RFX1: variants seen among roughly 807,000 people sequenced by gnomAD.
RFX1 encodes the protein MHC class II regulatory factor RFX1.
In RFX1, 42 loss-of-function variants were observed where a neutral mutation model predicts 119.6. The observed-to-expected ratio is 0.35, with a 90% CI of 0.27 to 0.45. The LOEUF is 0.45. Ranked by LOEUF, RFX1 falls within the 20% of genes least tolerant of loss-of-function variation. RFX1 has a pLI of 1.00. For missense variants in RFX1, 1,118 were observed against 1,368.1 expected (o/e 0.82, Z 2.88); for synonymous variants, 628 against 618.5 (o/e 1.02, Z -0.23).
At position 13,965,133 on chromosome 19, in the gene RFX1, A is replaced by G. The variant is rs1051741383; in HGVS notation, c.2211+316T>C. Among the ~76,000 whole-genome samples the G allele has an allele frequency of 6.6e-6, 1 of 152,214 alleles. No homozygotes were observed. The highest frequency in any genetic ancestry group is 6.5e-5 in the Admixed American group (1 of 15,272). On this transcript the variant is annotated intron_variant, in intron 16 of 20. Transcript: ENST00000254325. The surrounding 1 kb of genome is among the most constrained non-coding windows in gnomAD (Gnocchi z 4.7). ...CTTAAAAAGTTTTATCTGTTTCTGC[A>G]CACCTGAAGCACTTTCTAGCAAGGC...
rs1974757820 is a variant in RFX1 at position 13,990,310 on chromosome 19, G to A, written c.319+3215C>T. Among the ~76,000 whole-genome samples, 1 of 152,126 alleles carries A rather than the reference G, an allele frequency of 6.6e-6. No homozygotes were observed. The highest frequency in any genetic ancestry group is 1.5e-5 in the Non-Finnish European group (1 of 68,020). ...GGAGACCAGGGCAGTGTGGGCTCCT[G>A]GAGGCCTCACAAGAGGGGATCTTTG... On this transcript the variant is annotated intron_variant, in intron 2 of 20. Coordinates refer to ENST00000254325, the MANE Select transcript of RFX1 (RefSeq NM_002918.5). This position sits in a 1 kb window ranked among gnomAD's most constrained non-coding sequence, Gnocchi z 4.1.
chr19:13,981,135 G>A (rs1384179529), intron 5 of RFX1, among the ~76,000 whole-genome samples: 1 of 152,206 alleles, frequency 6.6e-6, no homozygotes, highest in Admixed American at 6.5e-5. Context: ...CAAGCCCTGG[G>A]TCACATGGCT....
Position 13,963,600 on chromosome 19 carries a change from G to A in RFX1, c.2508C>T (p.Tyr836=), listed in dbSNP as rs141861806. Residue 836 remains tyrosine (Y), a synonymous_variant, in exon 18 of 21, where the codon TAC becomes TAT. Transcript: ENST00000254325. ...CCTTGGGGAAGCCGGCGCTGCCCTGGTAGGGCTTGAGCACCTGGCTCACCA... is the reference window on the plus strand; with the variant it reads ...CCTTGGGGAAGCCGGCGCTGCCCTGATAGGGCTTGAGCACCTGGCTCACCA... ...DGVVSQVLKP[Y]QGSAGFPKAA... 2.7e-4 allele frequency: 439 copies of A among 1,604,552 alleles called. 4 individuals carry two copies. The Middle Eastern group carries it at 3.6e-3, about 13-fold the overall frequency.
chr19:13,963,968 A>T lies in RFX1; in HGVS notation c.2251T>A (p.Tyr751Asn). ...AGAFAQTLRR[Y>N]TSLNHLAQAA... ...TGCGCCAGGTGGTTGAGCGACGTGT[A>T]GCGCCGCAGTGTCTGCGCGAAGGCG... is the stretch of plus-strand genomic sequence containing the variant. Residue 751 changes from tyrosine (Y) to asparagine (N), a missense_variant, in exon 17 of 21, where the codon TAC becomes AAC. Tyr to Asn is a moderately radical substitution (Grantham distance 143). This residue lies in a region of RFX1 where 338 missense variants were observed against 508.9 expected (regional missense o/e 0.66). Coordinates refer to ENST00000254325, the MANE Select transcript of RFX1 (RefSeq NM_002918.5). 6.5e-7 allele frequency: 1 copy of T among 1,540,998 alleles called. No individual in the cohort carries two copies. The highest frequency in any genetic ancestry group is 8.7e-7 in the Non-Finnish European group (1 of 1,147,264).
At chr19:13,988,738 C>G (rs937109670) in intron 2 of RFX1, among the ~76,000 whole-genome samples, 1 of 152,154 alleles carries the variant, frequency 6.6e-6, no homozygotes, top group East Asian at 1.9e-4. Context: ...TTAAGAAGAC[C>G]AGCGGGGCGC....
intron 7 of RFX1, among the ~76,000 whole-genome samples, chr19:13,978,606 G>A (rs981061412): frequency 6.6e-6 from 1 of 152,186 alleles, no homozygotes; most frequent in African/African-American, 2.4e-5. Flanking sequence ...CGGGGCTTGG[G>A]TGGGGAGTCA....
At chr19:14,005,104 A>G (rs1358240822) in intron 1 of RFX1, among the ~76,000 whole-genome samples, 1 of 152,212 alleles carries the variant, frequency 6.6e-6, no homozygotes, top group African/African-American at 2.4e-5. Context: ...CCAGTAGGGG[A>G]GACCTCGATG....
At position 13,980,763 on chromosome 19, in the gene RFX1, C is replaced by CACACA; in HGVS notation, c.622-75_622-74insTGTGT. 1.1e-6 allele frequency: 1 copy of CACACA among 918,414 alleles called. No homozygotes were observed. Among genetic ancestry groups the CACACA allele is most frequent in the Non-Finnish European group, 1.7e-6 (1 of 599,550 alleles). The allele number at this position is 918,414 out of a possible 1,614,324, so 56.9% of individuals were successfully genotyped here. A position where few individuals can be genotyped will look rare whatever the true frequency, so the allele number is the denominator to read the frequency against. On this transcript the variant is annotated intron_variant, in intron 5 of 20. Coordinates refer to ENST00000254325, the MANE Select transcript of RFX1 (RefSeq NM_002918.5). The surrounding 1 kb of genome is among the most constrained non-coding windows in gnomAD (Gnocchi z 5.1). ...TCTCTGAGGTGGGCTCACACACACA[C>CACACA]CCTTCTCAGGAGAGCTGTCTGGGGA...
intron 18 of RFX1, 81 bp from the exon 19 acceptor site, chr19:13,963,356 G>A (rs1973780193): frequency 4.7e-6 from 7 of 1,502,154 alleles, no homozygotes; most frequent in Non-Finnish European, 6.2e-6. Flanking sequence ...GATGCGCCCG[G>A]GCCTCGCGCC....
Position 13,983,556 on chromosome 19 carries a change from C to T in RFX1, c.359G>A (p.Ser120Asn). 1 of 1,610,704 alleles carries T rather than the reference C, an allele frequency of 6.2e-7. No individual in the cohort carries two copies. The highest frequency in any genetic ancestry group is 8.5e-7 in the Non-Finnish European group (1 of 1,179,424). Residue 120 changes from serine (S) to asparagine (N), a missense_variant, in exon 3 of 21, where the codon AGC (serine) becomes AAC (asparagine). Coordinates refer to ENST00000254325, the MANE Select transcript of RFX1 (RefSeq NM_002918.5). ...GGTCTGGCTGGCGGTGGAGCCGGGG[C>T]TGGCCTCCGACACTGTCTCGCTGGC... ...MRASETVSEA[S>N]PGSTASQTGV...
At chr19:14,002,497 A>G (rs530976046) in intron 1 of RFX1, among the ~76,000 whole-genome samples, 30 of 152,040 alleles carry the variant, frequency 2.0e-4, no homozygotes, top group Admixed American at 5.9e-4. Flanking sequence ...CAAAAAAAAG[A>G]AAGAAAGAAA....
chr19:13,972,881 C>CCCGCCG lies in RFX1; in HGVS notation c.1170_1175dup (p.Gly398_Gly399dup). 6.4e-7 allele frequency: 1 copy of CCCGCCG among 1,557,936 alleles called. No homozygotes were observed. The highest frequency in any genetic ancestry group is 8.6e-7 in the Non-Finnish European group (1 of 1,157,546). ...CACTGCCACCCCCGCCACCGCCTCC[C>CCCGCCG]CCGCCGCCGCCGCCACCACCACTGC... On this transcript the variant is annotated inframe_insertion, in exon 9 of 21. Coordinates refer to ENST00000254325, the MANE Select transcript of RFX1 (RefSeq NM_002918.5).
At chr19:13,978,411 A>G (rs937073704) in intron 7 of RFX1, among the ~76,000 whole-genome samples, 2 of 152,016 alleles carry the variant, frequency 1.3e-5, no homozygotes, top group African/African-American at 4.8e-5. Context: ...CGCTGGAGCC[A>G]TGGAGCTACA....
chr19:14,006,366 G>A (rs2145657907), upstream of RFX1: 1 of 152,426 alleles, frequency 6.6e-6, no homozygotes, highest in Admixed American at 6.5e-5. Context: ...CGGGGCCCGG[G>A]GTGATTGGCG....
chr19:13,988,024 CTTTT>C (rs768766007), intron 2 of RFX1, among the ~76,000 whole-genome samples: 2 of 134,466 alleles, frequency 1.5e-5, no homozygotes. Flanking sequence ...ACTTCTTGCT[CTTTT>C]TTTTTTTTTT....
chr19:13,968,360 A>T lies in RFX1; in HGVS notation c.1732+205T>A, dbSNP rs1973969421. ...AATGCTTTGCATTGAAAGAAATGAGAATCTACCTTGAAGAAGGATTCTAGG... is the reference window on the plus strand; with the variant it reads ...AATGCTTTGCATTGAAAGAAATGAGTATCTACCTTGAAGAAGGATTCTAGG... On this transcript the variant is annotated intron_variant, in intron 12 of 20. Transcript: ENST00000254325. The surrounding 1 kb of genome is among the most constrained non-coding windows in gnomAD (Gnocchi z 5.5). Among the ~76,000 whole-genome samples the T allele has an allele frequency of 2.0e-5, 3 of 152,094 alleles. No homozygotes were observed. In the South Asian group the frequency reaches 6.2e-4, roughly 32 times the overall value.
intron 1 of RFX1, among the ~76,000 whole-genome samples, chr19:14,003,157 T>C (rs930406347): frequency 6.6e-6 from 1 of 152,200 alleles, no homozygotes; most frequent in Non-Finnish European, 1.5e-5. Context: ...GGCTACTTTT[T>C]GTATTTTTAG....
intron 6 of RFX1, 114 bp from the exon 7 acceptor site, chr19:13,979,656 C>T: frequency 3.5e-6 from 2 of 564,330 alleles, no homozygotes; most frequent in Non-Finnish European, 5.9e-6. Context: ...AAGCAAGAGG[C>T]CACCATTCTC....
rs764869176 is a variant in RFX1 at position 13,969,239 on chromosome 19, C to T, written c.1497-345G>A. Among the ~76,000 whole-genome samples the T allele has an allele frequency of 6.6e-6, 1 of 152,154 alleles. No homozygotes were observed. Among genetic ancestry groups the T allele is most frequent in the Non-Finnish European group, 1.5e-5 (1 of 68,026 alleles). ...CGGGTTCTTGGGATGCCTTCTTGTT[C>T]CTTCCCGCATGAATTTACTGACTCA... On this transcript the variant is annotated intron_variant, in intron 10 of 20. Coordinates refer to ENST00000254325, the MANE Select transcript of RFX1 (RefSeq NM_002918.5). This position sits in a 1 kb window ranked among gnomAD's most constrained non-coding sequence, Gnocchi z 4.5.
Sources: gnomAD v4.1 joint callset for allele counts (sites outside exome capture counted in the v4.1 genomes callset) on GRCh38, gnomAD v4.1.1 for gene constraint, gnomAD v4.1.1 regional missense constraint, Gnocchi (gnomAD v3.1) non-coding constraint, MANE v1.5 for transcripts, NCBI Gene and HGNC (gene_info 2026-07-23, HGNC 2026-07-21) for gene names.